Variants in CELF4 observed in about 807,000 individuals in gnomAD.
CELF4 encodes CUG-BP- and ETR-3-like factor 4.
CELF4 carries 18 observed loss-of-function variants against 59.9 expected under a neutral mutation model. That is an observed-to-expected ratio of 0.30 (90% confidence interval 0.21 to 0.45). CELF4 has a LOEUF of 0.45. Among genes scored for constraint, CELF4 ranks in the 20% least tolerant of loss-of-function variants. The probability of loss-of-function intolerance (pLI) is 1.00; values close to 1 mark genes in which losing one functional copy is unlikely to be tolerated. For missense variants in CELF4, 456 were observed against 689.0 expected (o/e 0.66, Z 3.79); for synonymous variants, 261 against 267.1 (o/e 0.98, Z 0.22).
chr18:37,406,523 G>A lies in CELF4; in HGVS notation c.369+79002C>T, dbSNP rs1038306003. On this transcript the variant is annotated intron_variant, in intron 2 of 12. Coordinates refer to ENST00000420428, the MANE Select transcript of CELF4 (RefSeq NM_020180.4). ...GACCTTGGGGGAACCTGAGCAGTGCGGCCAGTGAGGACCTGCATGATAAAT... is the reference window on the plus strand; with the variant it reads ...GACCTTGGGGGAACCTGAGCAGTGCAGCCAGTGAGGACCTGCATGATAAAT... Among the ~76,000 whole-genome samples the A allele has an allele frequency of 3.3e-5, 5 of 152,148 alleles. 1 individual carries two copies. The highest frequency in any genetic ancestry group is 2.4e-5 in the African/African-American group (1 of 41,418).
At chr18:37,470,887 T>TGTGTGTGTGAGAGAGAGAGAGAGA (rs1325788685) in intron 2 of CELF4, among the ~76,000 whole-genome samples, 2 of 71,928 alleles carry the variant, frequency 2.8e-5, no homozygotes, top group African/African-American at 1.1e-4. Context: ...TGTGTGTGTG[T>TGTGTGTGTGAGAGAGAGAGAGAGA]GACAGAGAGA....
In CELF4 at chr18:37,565,752, C is replaced by T. The variant is rs1473994129; in HGVS notation, c.-111G>A. On this transcript the variant is annotated 5_prime_UTR_variant, in exon 1 of 13. Transcript: ENST00000420428. ...GCATACACACACTCGGGTTCTCTCC[C>T]CCTCGGTTTCTCTACACCTCGCTCT... 3 of 837,950 alleles carry T rather than the reference C, an allele frequency of 3.6e-6. No individual in the cohort carries two copies. Among genetic ancestry groups the T allele is most frequent in the Non-Finnish European group, 5.2e-6 (3 of 576,784 alleles). The allele number at this position is 837,950 out of a possible 1,614,324, so 51.9% of individuals were successfully genotyped here. A position where few individuals can be genotyped will look rare whatever the true frequency, so the allele number is the denominator to read the frequency against.
rs2099837210 is a variant in CELF4 at position 37,472,764 on chromosome 18, T to C, written c.369+12761A>G. Among the ~76,000 whole-genome samples, 3 of 152,058 alleles carry C rather than the reference T, an allele frequency of 2.0e-5. No individual in the cohort carries two copies. The South Asian group carries it at 6.2e-4, about 32-fold the overall frequency. The stretch of plus-strand genomic sequence containing the variant: ...TTTCGCCTCTAAGGCCTGAAGGTCT[T>C]CAGAGAAGGGAGAAATTGGGAGGCC... On this transcript the variant is annotated intron_variant, in intron 2 of 12. Transcript: ENST00000420428.
At chr18:37,336,346 G>A (rs373574156) in intron 2 of CELF4, among the ~76,000 whole-genome samples, 2 of 152,172 alleles carry the variant, frequency 1.3e-5, no homozygotes, top group Non-Finnish European at 2.9e-5. Context: ...TCCACGCCCA[G>A]CTAATTTTTA....
chr18:37,493,622 C>A (rs1044660109), intron 1 of CELF4, among the ~76,000 whole-genome samples: 1 of 151,744 alleles, frequency 6.6e-6, no homozygotes, highest in Non-Finnish European at 1.5e-5. Flanking sequence ...GTAGCAGGAG[C>A]CATACGTCTT....
At chr18:37,341,519 G>C (rs2154548305) in intron 2 of CELF4, among the ~76,000 whole-genome samples, 1 of 152,378 alleles carries the variant, frequency 6.6e-6, no homozygotes, top group South Asian at 2.1e-4. Flanking sequence ...GCAGTGAGTG[G>C]AGGGCATAAG....
Position 37,408,502 on chromosome 18 carries a change from C to CG in CELF4, c.369+77022dup, listed in dbSNP as rs1569568996. 5.9e-4 allele frequency among the ~76,000 whole-genome samples: 33 copies of CG among 55,806 alleles called. 1 individual carries two copies. In the South Asian group the frequency reaches 6.4e-3, roughly 11 times the overall value. The allele number at this position is 55,806 out of a possible 152,430, so 36.6% of individuals were successfully genotyped here. ...CCCTTTGGTTGGTGCCGGGGGGGGGCGCGGTGCAGGAGGATGTGAGAGGAG... is the reference window on the plus strand; with the variant it reads ...CCCTTTGGTTGGTGCCGGGGGGGGGCGGCGGTGCAGGAGGATGTGAGAGGAG... On this transcript the variant is annotated intron_variant, in intron 2 of 12. Coordinates refer to ENST00000420428, the MANE Select transcript of CELF4 (RefSeq NM_020180.4).
At chr18:37,485,664 C>A in intron 1 of CELF4, 57 bp from the exon 2 acceptor site, 1 of 1,155,076 alleles carries the variant, frequency 8.7e-7, no homozygotes, top group East Asian at 3.2e-5. Flanking sequence ...GGCCCGCCGA[C>A]GCGCCCTGCC....
chr18:37,431,594 C>T (rs1823166700), intron 2 of CELF4, among the ~76,000 whole-genome samples: 1 of 152,122 alleles, frequency 6.6e-6, no homozygotes, highest in South Asian at 2.1e-4. Flanking sequence ...TGGTCTTGAT[C>T]TCCTGACCTC....
intron 2 of CELF4, among the ~76,000 whole-genome samples, chr18:37,401,471 A>G (rs1405337498): frequency 6.6e-6 from 1 of 152,194 alleles, no homozygotes; most frequent in Non-Finnish European, 1.5e-5. Flanking sequence ...CGGCCATCTT[A>G]CAGACCAATA....
intron 1 of CELF4, among the ~76,000 whole-genome samples, chr18:37,518,912 A>G (rs2099953946): frequency 1.3e-5 from 2 of 152,262 alleles, no homozygotes; most frequent in Non-Finnish European, 2.9e-5. Context: ...CATTATGTAC[A>G]CATGCACGCA....
intron 1 of CELF4, among the ~76,000 whole-genome samples, chr18:37,495,872 G>C (rs1603642655): frequency 6.6e-6 from 1 of 151,958 alleles, no homozygotes; most frequent in Non-Finnish European, 1.5e-5. Context: ...TGTTTTGGGG[G>C]GTGCGATGGG....
In CELF4 at chr18:37,440,667, G is replaced by A. The variant is rs909337676; in HGVS notation, c.369+44858C>T. Reference sequence around the variant, plus strand: ...AAATACAACTAACTGTATCCTGTGGGGCAGGTGATTATTGCAATGAGTGGC... The same window carrying A: ...AAATACAACTAACTGTATCCTGTGGAGCAGGTGATTATTGCAATGAGTGGC... On this transcript the variant is annotated intron_variant, in intron 2 of 12. Coordinates refer to ENST00000420428, the MANE Select transcript of CELF4 (RefSeq NM_020180.4). 3.3e-5 allele frequency among the ~76,000 whole-genome samples: 5 copies of A among 152,294 alleles called. No individual in the cohort carries two copies. In the East Asian group the frequency reaches 9.7e-4, roughly 29 times the overall value.
rs189065237 is a variant in CELF4, at chr18:37,510,859, C to T, written c.287-25252G>A. ...AGATGTGTCAACAGTCAGTGCTGAC[C>T]CAGGGGCTGTGCCTGAGAGTGACAT... On this transcript the variant is annotated intron_variant, in intron 1 of 12. Coordinates refer to ENST00000420428, the MANE Select transcript of CELF4 (RefSeq NM_020180.4). Among the ~76,000 whole-genome samples the T allele has an allele frequency of 3.3e-5, 5 of 152,298 alleles. No homozygotes were observed. The East Asian group carries it at 9.7e-4, about 29-fold the overall frequency.
intron 1 of CELF4, among the ~76,000 whole-genome samples, chr18:37,510,717 C>T (rs1402279917): frequency 1.7e-5 from 2 of 116,836 alleles, no homozygotes; most frequent in Non-Finnish European, 3.6e-5. Context: ...CCCTGGGCTT[C>T]TGTTTTCTCC....
chr18:37,560,631 T>C (rs548257689), intron 1 of CELF4, among the ~76,000 whole-genome samples: 1 of 152,252 alleles, frequency 6.6e-6, no homozygotes, highest in Non-Finnish European at 1.5e-5. Flanking sequence ...TGCCAGTCTT[T>C]CCCCCTGGAC....
rs1017002456 is a variant in CELF4 at position 37,243,625 on chromosome 18, C to T, written c.*1617G>A. ...TCTATCATTACAATTAAAAGTCCTA[C>T]AAAATATGCAAATTTATTTACAGAA... On this transcript the variant is annotated 3_prime_UTR_variant, in exon 13 of 13. Transcript: ENST00000420428. 14 of 152,160 alleles carry T rather than the reference C, an allele frequency of 9.2e-5. No homozygotes were observed. The highest frequency in any genetic ancestry group is 3.4e-4 in the African/African-American group (14 of 41,424). The allele number at this position is 152,160 out of a possible 1,614,324, so 9.4% of individuals were successfully genotyped here.
At chr18:37,543,060 T>A (rs1198257525) in intron 1 of CELF4, among the ~76,000 whole-genome samples, 1 of 152,160 alleles carries the variant, frequency 6.6e-6, no homozygotes, top group Non-Finnish European at 1.5e-5. Context: ...GACTGTGGTC[T>A]CTGAGCAACC....
intron 2 of CELF4, among the ~76,000 whole-genome samples, chr18:37,364,301 A>G (rs539301663): frequency 6.6e-6 from 1 of 152,158 alleles, no homozygotes; most frequent in East Asian, 1.9e-4. Context: ...CTGTTTCTCA[A>G]CCCAAGGTCC....
Sources: allele counts gnomAD v4.1 joint callset (sites outside exome capture counted in the v4.1 genomes callset), GRCh38; gene constraint gnomAD v4.1.1; transcripts MANE v1.5; gene names NCBI Gene and HGNC (gene_info 2026-07-23, HGNC 2026-07-21).